SRPK2: variants seen among roughly 807,000 people sequenced by gnomAD.
SRPK2 encodes the protein SFRS protein kinase 2.
SRPK2 carries 21 observed loss-of-function variants against 90.8 expected under a neutral mutation model. The observed-to-expected ratio is 0.23, with a 90% CI of 0.16 to 0.33. The LOEUF (loss-of-function observed/expected upper bound fraction) is 0.33. SRPK2 is among the 10% of genes least tolerant of loss of function. The pLI is 1.00. For synonymous variants in SRPK2, 288 were observed against 311.1 expected, an observed-to-expected ratio of 0.93 and a Z score of 0.78; for missense variants, 620 against 869.0, an observed-to-expected ratio of 0.71 and a Z score of 3.60.
chr7:105,257,877 C>T (rs1292999968), intron 2 of SRPK2, among the ~76,000 whole-genome samples: 5 of 152,190 alleles, frequency 3.3e-5, no homozygotes, highest in East Asian at 3.9e-4. Context: ...ATTGGGAGTC[C>T]GAGGCAGGCA....
At position 105,203,683 on chromosome 7, in the gene SRPK2, C is replaced by T. The variant is rs1223343040; in HGVS notation, c.174G>A (p.Glu58=). The T allele has an allele frequency of 2.5e-6, 4 of 1,571,804 alleles. No individual in the cohort carries two copies. Among genetic ancestry groups the T allele is most frequent in the Non-Finnish European group, 8.6e-7 (1 of 1,162,530 alleles). ...LPDPTPPEPE[E]EILGSDDEEQ... is the part of the protein sequence containing the mutation. ...CCTCATCATCTGATCCCAGGATCTC[C>T]TCCTCTGGCTCCGGGGGTGTGGGGT... Residue 58 remains glutamate, a synonymous_variant, in exon 3 of 16, where the codon GAG becomes GAA. Transcript: ENST00000393651.
At chr7:105,116,356 G>A (rs1284182517), downstream of SRPK2, 1 of 152,098 alleles carries the variant, frequency 6.6e-6, no homozygotes. Context: ...CATTTATAGG[G>A]CAATGACCAA....
chr7:105,387,090 T>G (rs1821697956), intron 2 of SRPK2, among the ~76,000 whole-genome samples: 1 of 152,220 alleles, frequency 6.6e-6, no homozygotes, highest in South Asian at 2.1e-4. Flanking sequence ...TTTTTCCACA[T>G]GTACGTAAAG....
intron 2 of SRPK2, among the ~76,000 whole-genome samples, chr7:105,375,983 CTTTTTTTTTTTTTTT>C (rs34445430): frequency 6.3e-5 from 4 of 63,144 alleles, no homozygotes; most frequent in Non-Finnish European, 8.4e-5. Context: ...GAATTCATTT[CTTTTTTTTTTTTTTT>C]TTTTTTTTTT....
At chr7:105,222,728 A>T (rs565575541) in intron 2 of SRPK2, among the ~76,000 whole-genome samples, 1 of 152,314 alleles carries the variant, frequency 6.6e-6, no homozygotes, top group Admixed American at 6.5e-5. Flanking sequence ...ATAATTCAGA[A>T]AGATTTACAC....
chr7:105,351,817 A>AAGAAG (rs1563273948), intron 2 of SRPK2, among the ~76,000 whole-genome samples: 1 of 147,332 alleles, frequency 6.8e-6, no homozygotes, highest in Non-Finnish European at 1.5e-5. Flanking sequence ...AAAAAAAAAA[A>AAGAAG]AAGAAGAAGA....
intron 2 of SRPK2, among the ~76,000 whole-genome samples, chr7:105,307,106 A>C (rs17721991): frequency 1.3e-5 from 2 of 152,060 alleles, no homozygotes; most frequent in African/African-American, 4.8e-5. Context: ...ACATACAAGA[A>C]CTAATGAACT....
At chr7:105,135,708 T>C (rs923207639) in intron 11 of SRPK2, among the ~76,000 whole-genome samples, 1 of 152,038 alleles carries the variant, frequency 6.6e-6, no homozygotes, top group Non-Finnish European at 1.5e-5. Flanking sequence ...CTTAATTCAA[T>C]CACGCTAGAA....
chr7:105,306,655 G>C, intron 2 of SRPK2: 1 of 363,402 alleles, frequency 2.8e-6, no homozygotes, highest in Non-Finnish European at 5.3e-6. Context: ...CCTTCAGTTG[G>C]AAAAGCATTT....
intron 2 of SRPK2, among the ~76,000 whole-genome samples, chr7:105,329,415 C>CT (rs1814005040): frequency 6.6e-6 from 1 of 151,854 alleles, no homozygotes; most frequent in Non-Finnish European, 1.5e-5. Flanking sequence ...GCAGGGAAAA[C>CT]TAAGAATGCT....
At chr7:105,193,507 A>C (rs903583024) in intron 3 of SRPK2, among the ~76,000 whole-genome samples, 16 of 152,134 alleles carry the variant, frequency 1.1e-4, no homozygotes, top group African/African-American at 3.6e-4. Flanking sequence ...TCTTGCTTTG[A>C]CTATGCAGAC....
chr7:105,294,248 C>G (rs538475073), intron 2 of SRPK2, among the ~76,000 whole-genome samples: 7 of 152,190 alleles, frequency 4.6e-5, no homozygotes, highest in Non-Finnish European at 1.0e-4. Flanking sequence ...TCACAGCACC[C>G]TCTGCAAATT....
intron 2 of SRPK2, among the ~76,000 whole-genome samples, chr7:105,348,777 T>A (rs965204873): frequency 6.8e-6 from 1 of 147,102 alleles, no homozygotes; most frequent in African/African-American, 2.5e-5. Flanking sequence ...TGATACACTT[T>A]AAAAAAAAAA....
At chr7:105,383,096 G>A (rs1312865111) in intron 2 of SRPK2, among the ~76,000 whole-genome samples, 2 of 111,118 alleles carry the variant, frequency 1.8e-5, no homozygotes, top group Non-Finnish European at 3.3e-5. Context: ...ACAGAGTCTC[G>A]CTCTATCGCC....
intron 7 of SRPK2, among the ~76,000 whole-genome samples, chr7:105,156,173 C>T (rs549987319): frequency 2.6e-5 from 4 of 152,260 alleles, no homozygotes; most frequent in South Asian, 4.2e-4. Context: ...TTATATAAAA[C>T]CCATTATATA....
intron 15 of SRPK2, among the ~76,000 whole-genome samples, chr7:105,122,132 T>C (rs1424002474): frequency 6.6e-6 from 1 of 152,202 alleles, no homozygotes; most frequent in Non-Finnish European, 1.5e-5. Flanking sequence ...GTATAAACCC[T>C]ACCTCACATC....
chr7:105,164,021 T>C (rs1174797479), intron 6 of SRPK2, among the ~76,000 whole-genome samples: 1 of 152,148 alleles, frequency 6.6e-6, no homozygotes, highest in African/African-American at 2.4e-5. Context: ...ACAGGTACGA[T>C]CGAGATCCTG....
At chr7:105,200,502 G>A (rs755539160) in intron 3 of SRPK2, among the ~76,000 whole-genome samples, 32 of 152,116 alleles carry the variant, frequency 2.1e-4, no homozygotes, top group Non-Finnish European at 4.1e-4. Context: ...AAGTCAGCCC[G>A]GGGTGGCGGC....
intron 8 of SRPK2, among the ~76,000 whole-genome samples, chr7:105,145,636 G>T (rs1294285609): frequency 1.3e-5 from 2 of 152,130 alleles, no homozygotes; most frequent in Non-Finnish European, 2.9e-5. Context: ...ACATATCACA[G>T]TCATTAAACC....
Sources: allele counts gnomAD v4.1 joint callset (sites outside exome capture counted in the v4.1 genomes callset), GRCh38; gene constraint gnomAD v4.1.1; transcripts MANE v1.5; gene names NCBI Gene and HGNC (gene_info 2026-07-23, HGNC 2026-07-21).